The following SLC38A8 variants were observed in gnomAD, a reference collection of about 807,000 sequenced individuals.
SLC38A8 encodes the protein amino acid transporter SLC38A8.
SLC38A8 carries 65 observed loss-of-function variants against 46.0 expected under a neutral mutation model. The observed-to-expected ratio is 1.41, with a 90% CI of 1.16 to 1.74. The LOEUF is 1.74. SLC38A8 is among the 40% of genes most tolerant of loss of function. The pLI, the probability that SLC38A8 is intolerant of heterozygous loss-of-function variation, is 0.00. For missense variants in SLC38A8, 998 were observed against 567.9 expected, an observed-to-expected ratio of 1.76 and a Z score of -7.70; for synonymous variants, 447 against 243.7, an observed-to-expected ratio of 1.83 and a Z score of -7.77.
intron 2 of SLC38A8, 41 bp from the exon 3 acceptor site, chr16:84,036,941 C>A (rs375780907): frequency 9.7e-6 from 15 of 1,548,144 alleles, no homozygotes; most frequent in African/African-American, 1.4e-5. Flanking sequence ...GGTGTGCCCA[C>A]AGCCCACCCA....
intron 6 of SLC38A8, among the ~76,000 whole-genome samples, chr16:84,027,636 C>T (rs925768216): frequency 3.3e-5 from 5 of 152,172 alleles, no homozygotes; most frequent in African/African-American, 4.8e-5. Flanking sequence ...TATTCTCCCC[C>T]GCTTCAGATC....
chr16:84,037,046 C>G, intron 2 of SLC38A8, 146 bp from the exon 3 acceptor site: 1 of 775,836 alleles, frequency 1.3e-6, no homozygotes, highest in Non-Finnish European at 2.1e-6. Context: ...AGTCTACCAG[C>G]TATGTCACTG....
chr16:84,018,427 G>C (rs1368531743), intron 7 of SLC38A8, among the ~76,000 whole-genome samples: 2 of 151,998 alleles, frequency 1.3e-5, no homozygotes, highest in Non-Finnish European at 2.9e-5. Context: ...CACCGTGTTA[G>C]CCAGGATGGT....
intron 10 of SLC38A8, 75 bp from the exon 11 acceptor site, chr16:84,009,952 C>A: frequency 7.6e-7 from 1 of 1,324,314 alleles, no homozygotes; most frequent in Non-Finnish European, 1.1e-6. Context: ...ATAAAAAATT[C>A]ACTATGTAGA....
chr16:84,011,936 G>A (rs534953616), intron 10 of SLC38A8, among the ~76,000 whole-genome samples: 41 of 152,276 alleles, frequency 2.7e-4, no homozygotes, highest in African/African-American at 9.6e-4. Flanking sequence ...GAGACACAGG[G>A]AGAAAGCTAA....
chr16:84,016,672 C>A lies in SLC38A8; in HGVS notation c.1009G>T (p.Ala337Ser). The A allele has an allele frequency of 6.2e-7, 1 of 1,613,522 alleles. No homozygotes were observed. Among genetic ancestry groups the A allele is most frequent in the Non-Finnish European group, 8.5e-7 (1 of 1,180,004 alleles). Reference protein sequence around the residue: ...RSCLGGWGPSALADPSGLWVR... With the variant: ...RSCLGGWGPSSLADPSGLWVR... ...CACAGCCCTGAGGGGTCGGCCAGGGCGCTGGGCCCCCATCCCCCCAAGCAG... is the reference window on the plus strand; with the variant it reads ...CACAGCCCTGAGGGGTCGGCCAGGGAGCTGGGCCCCCATCCCCCCAAGCAG... Residue 337 changes from alanine to serine, a missense_variant, in exon 9 of 11, where the codon GCC (alanine) becomes TCC (serine). Transcript: ENST00000299709.
chr16:84,024,026 G>A (rs1377922476), intron 6 of SLC38A8, among the ~76,000 whole-genome samples: 1 of 152,206 alleles, frequency 6.6e-6, no homozygotes, highest in Non-Finnish European at 1.5e-5. Flanking sequence ...TTAACTCTTG[G>A]CAGCCGCCCT....
chr16:84,038,584 T>G (rs1272576392), intron 2 of SLC38A8, among the ~76,000 whole-genome samples: 1 of 152,178 alleles, frequency 6.6e-6, no homozygotes, highest in African/African-American at 2.4e-5. Flanking sequence ...TTTTCTCTTG[T>G]AGGGTGAATA....
chr16:84,033,560 G>C (rs1260903238), intron 3 of SLC38A8, 91 bp from the exon 4 acceptor site: 7 of 1,428,928 alleles, frequency 4.9e-6, no homozygotes, highest in Non-Finnish European at 6.6e-6. Context: ...GCTGGGGTTG[G>C]ACATCCACCC....
intron 3 of SLC38A8, among the ~76,000 whole-genome samples, chr16:84,035,762 G>C (rs542326300): frequency 1.1e-4 from 16 of 152,328 alleles, no homozygotes; most frequent in African/African-American, 3.8e-4. Context: ...CATAATAAAA[G>C]GATATACCTA....
In SLC38A8 at chr16:84,012,939, G is replaced by A. The variant is rs372732804; in HGVS notation, c.1214+62C>T. 6.9e-5 allele frequency: 108 copies of A among 1,573,572 alleles called. No homozygotes were observed. In the African/African-American group the frequency reaches 1.3e-3, roughly 19 times the overall value. On this transcript the variant is annotated intron_variant, in intron 10 of 10. Transcript: ENST00000299709. ...AGAAATAGGATCTGCAGGGTCCCCT[G>A]AAACATTCTTACTCTGATCCGGGGC...
At chr16:84,018,291 G>A (rs1408334608) in intron 7 of SLC38A8, among the ~76,000 whole-genome samples, 2 of 139,356 alleles carry the variant, frequency 1.4e-5, no homozygotes, top group Admixed American at 7.9e-5. Context: ...GGAGTGCAGT[G>A]GCACGATCTC....
At chr16:84,038,365 C>T (rs992205110) in intron 2 of SLC38A8, among the ~76,000 whole-genome samples, 1 of 152,060 alleles carries the variant, frequency 6.6e-6, no homozygotes, top group Admixed American at 6.6e-5. Context: ...ACAGTGAACA[C>T]CCCTGTGGGC....
chr16:84,020,534 G>A (rs544597686), intron 7 of SLC38A8, among the ~76,000 whole-genome samples: 7 of 152,284 alleles, frequency 4.6e-5, no homozygotes, highest in East Asian at 3.9e-4. Context: ...AGCAACGCAC[G>A]CATCCTGCCA....
At chr16:84,021,629 G>T (rs542616323) in intron 7 of SLC38A8, among the ~76,000 whole-genome samples, 2 of 152,060 alleles carry the variant, frequency 1.3e-5, no homozygotes, top group Non-Finnish European at 2.9e-5. Flanking sequence ...CTGCTCCTCC[G>T]AATTCTTCCA....
At chr16:84,013,431 T>G (rs1350378524) in intron 9 of SLC38A8, among the ~76,000 whole-genome samples, 2 of 122,674 alleles carry the variant, frequency 1.6e-5, no homozygotes, top group African/African-American at 6.8e-5. Flanking sequence ...TGTGTTTTTT[T>G]TTTTTTTTTT....
rs577855952 is a variant in SLC38A8 at position 84,038,263 on chromosome 16, A to G, written c.190-1363T>C. On this transcript the variant is annotated intron_variant, in intron 2 of 10. Coordinates refer to ENST00000299709, the MANE Select transcript of SLC38A8 (RefSeq NM_001080442.3). ...GAGGCGGAAGTTGCAGTAAGCTGAG[A>G]TCGTGCCACTGTACTCCAGCCTGGG... Among the ~76,000 whole-genome samples, 9 of 152,074 alleles carry G rather than the reference A, an allele frequency of 5.9e-5. 1 individual carries two copies. The East Asian group carries it at 1.6e-3, about 26-fold the overall frequency.
At position 84,029,514 on chromosome 16, in the gene SLC38A8, TG is replaced by T; in HGVS notation, c.669del (p.Thr224ProfsTer44). The T allele has an allele frequency of 6.2e-7, 1 of 1,614,052 alleles. No homozygotes were observed. The highest frequency in any genetic ancestry group is 1.1e-5 in the South Asian group (1 of 91,072). ...ATTACCTGAAACCCGAAGCAGATGG[TG>T]GGGAAGACACTGAACACAGAGGTCC... ...ASWTSVFSVF[P>X]TICFGFQCHE... On this transcript the variant is annotated frameshift_variant, in exon 6 of 11. Coordinates refer to ENST00000299709, the MANE Select transcript of SLC38A8 (RefSeq NM_001080442.3). LOFTEE classifies it high-confidence loss of function.
At chr16:84,022,692 A>G in intron 7 of SLC38A8, 83 bp downstream of exon 7, 2 of 1,076,232 alleles carry the variant, frequency 1.9e-6, no homozygotes, top group Non-Finnish European at 2.8e-6. Context: ...CACGTGGTAA[A>G]CTCTCTAGAG....
Sources: allele counts gnomAD v4.1 joint callset (sites outside exome capture counted in the v4.1 genomes callset), GRCh38; gene constraint gnomAD v4.1.1; transcripts MANE v1.5; gene names NCBI Gene and HGNC (gene_info 2026-07-23, HGNC 2026-07-21).